AOX1: variants seen among roughly 807,000 people sequenced by gnomAD.
AOX1 encodes the protein aldehyde oxidase.
Under a neutral mutation model 169.5 loss-of-function variants are expected in AOX1, and 153 were observed. The ratio of observed to expected loss-of-function variants is 0.90; its 90% CI spans 0.79 to 1.03. AOX1 has a LOEUF of 1.03. Among genes scored for constraint, AOX1 ranks in the 50% least tolerant of loss-of-function variants. AOX1 has a pLI of 0.00. For synonymous variants in AOX1, 562 were observed against 581.9 expected, an observed-to-expected ratio of 0.97 and a Z score of 0.49; for missense variants, 1,656 against 1,663.9, an observed-to-expected ratio of 1.00 and a Z score of 0.08.
Position 200,660,019 on chromosome 2 carries a change from C to T in AOX1, c.3325C>T (p.Arg1109Cys), listed in dbSNP as rs750075479. 6.2e-6 allele frequency: 10 copies of T among 1,613,548 alleles called. No individual in the cohort carries two copies. The highest frequency in any genetic ancestry group is 2.7e-5 in the African/African-American group (2 of 74,878). ...GGATGCCTGTCAAACTCTTCTAAAA[C>T]GCCTCGAACCCATCATCAGCAAGAA... ...VKDACQTLLK[R>C]LEPIISKNPK... The change falls in exon 29 of 35, where the codon CGC becomes TGC. Residue 1109 changes from arginine to cysteine, a missense_variant. Transcript: ENST00000374700.
At chr2:200,618,291 A>C (rs2034809850) in intron 16 of AOX1, among the ~76,000 whole-genome samples, 1 of 152,228 alleles carries the variant, frequency 6.6e-6, no homozygotes, top group Non-Finnish European at 1.5e-5. Flanking sequence ...TATTATACTA[A>C]CTACAAAACT....
chr2:200,636,349 G>A (rs1357186448), intron 21 of AOX1, among the ~76,000 whole-genome samples: 7 of 151,834 alleles, frequency 4.6e-5, no homozygotes, highest in Non-Finnish European at 1.0e-4. Flanking sequence ...GGCTGGTCTC[G>A]AACTCCTGAC....
chr2:200,641,260 A>G (rs192942709), intron 24 of AOX1, 76 bp downstream of exon 24: 16 of 989,576 alleles, frequency 1.6e-5, no homozygotes, highest in Admixed American at 1.3e-4. Context: ...AAAATGCCCA[A>G]TAGTTAAGTA....
intron 26 of AOX1, among the ~76,000 whole-genome samples, chr2:200,656,400 T>C (rs2035685448): frequency 6.6e-6 from 1 of 152,214 alleles, no homozygotes; most frequent in Non-Finnish European, 1.5e-5. Flanking sequence ...TGGATCCTTG[T>C]GGGGAGCTAT....
chr2:200,597,561 T>C, intron 4 of AOX1, 56 bp downstream of exon 4: 1 of 1,325,238 alleles, frequency 7.5e-7, no homozygotes, highest in African/African-American at 1.4e-5. Flanking sequence ...CTCATGACAT[T>C]GAGTCCCTGA....
At chr2:200,652,798 C>G (rs75265533) in intron 26 of AOX1, among the ~76,000 whole-genome samples, 3,852 of 152,268 alleles carry the variant, frequency 0.025, 81 homozygotes, top group South Asian at 0.046. Flanking sequence ...GGTGCAGTGG[C>G]TCACGCCTGT....
At chr2:200,632,621 G>C (rs571727039) in intron 20 of AOX1, among the ~76,000 whole-genome samples, 9 of 130,804 alleles carry the variant, frequency 6.9e-5, no homozygotes, top group Admixed American at 8.1e-5. Flanking sequence ...GATATTTTAA[G>C]ATTTCTTCAT....
chr2:200,603,307 G>C lies in AOX1; in HGVS notation c.539G>C (p.Cys180Ser), dbSNP rs1559233621. 1 of 1,614,028 alleles carries C rather than the reference G, an allele frequency of 6.2e-7. No individual in the cohort carries two copies. The highest frequency in any genetic ancestry group is 1.7e-5 in the Admixed American group (1 of 60,004). ...CAAAGTAAAGAAAATGGGGTTTGCT[G>C]TTTGGATCAAGGAATCAATGGATTG... ...CCQSKENGVC[C>S]LDQGINGLPE... The change falls in exon 7 of 35, where the codon TGT becomes TCT. Residue 180 changes from cysteine to serine, a missense_variant. Transcript: ENST00000374700.
At chr2:200,612,563 G>C (rs2034660882) in intron 13 of AOX1, 46 bp from the exon 14 acceptor site, 1 of 1,591,842 alleles carries the variant, frequency 6.3e-7, no homozygotes, top group Admixed American at 1.7e-5. Context: ...CAGTGCATAG[G>C]TGATGCTCAG....
chr2:200,659,980 A>G lies in AOX1; in HGVS notation c.3301-15A>G. 1.9e-6 allele frequency: 3 copies of G among 1,601,690 alleles called. No homozygotes were observed. The highest frequency in any genetic ancestry group is 8.5e-7 in the Non-Finnish European group (1 of 1,171,028). On this transcript the variant is annotated splice_polypyrimidine_tract_variant and intron_variant, in intron 28 of 34. Coordinates refer to ENST00000374700, the MANE Select transcript of AOX1 (RefSeq NM_001159.4). The stretch of plus-strand genomic sequence containing the variant: ...GAAATTAGGAGCATAATTTTAATTT[A>G]AAAATAATCTCTAGGATGCCTGTCA...
intron 4 of AOX1, among the ~76,000 whole-genome samples, chr2:200,599,172 TA>T (rs1294509914): frequency 1.3e-5 from 2 of 152,228 alleles, no homozygotes; most frequent in African/African-American, 2.4e-5. Context: ...ATTTTTTATT[TA>T]TTTTTTTTCC....
Position 200,613,841 on chromosome 2 carries a change from C to G in AOX1, c.1486C>G (p.Leu496Val). 1 of 1,612,628 alleles carries G rather than the reference C, an allele frequency of 6.2e-7. No homozygotes were observed. The highest frequency in any genetic ancestry group is 8.5e-7 in the Non-Finnish European group (1 of 1,179,908). ...ACAGATGCTGGATATAGCCTGCAGG[C>G]TTATTCTGAATGAAGTCTCCCTTTT... ...NEQMLDIACR[L>V]ILNEVSLLGS... is the part of the protein sequence containing the mutation. Residue 496 changes from leucine to valine, a missense_variant, in exon 15 of 35, where the codon CTT becomes GTT. Transcript: ENST00000374700.
intron 8 of AOX1, 28 bp downstream of exon 8, chr2:200,604,125 TAGA>T (rs768272109): frequency 1.3e-6 from 2 of 1,494,860 alleles, no homozygotes; most frequent in Non-Finnish European, 1.9e-6. Context: ...GAGCTCATCC[TAGA>T]AGAATTCATG....
intron 13 of AOX1, among the ~76,000 whole-genome samples, chr2:200,612,115 C>A (rs1308456807): frequency 6.6e-6 from 1 of 152,098 alleles, no homozygotes; most frequent in African/African-American, 2.4e-5. Context: ...GAAGAGTATG[C>A]CTCTACCTAT....
chr2:200,650,933 T>C (rs2105757857), intron 25 of AOX1, 41 bp from the exon 26 acceptor site: 5 of 1,588,336 alleles, frequency 3.1e-6, no homozygotes, highest in Non-Finnish European at 4.3e-6. Flanking sequence ...CTATGTCTGC[T>C]GGGTTTCCCC....
chr2:200,594,307 T>G (rs1414947151), intron 2 of AOX1, among the ~76,000 whole-genome samples: 2 of 152,152 alleles, frequency 1.3e-5, no homozygotes, highest in Non-Finnish European at 2.9e-5. Context: ...GGAAGCATGG[T>G]CTTAATGAAA....
At chr2:200,646,410 G>A (rs2035453964) in intron 25 of AOX1, among the ~76,000 whole-genome samples, 2 of 152,114 alleles carry the variant, frequency 1.3e-5, no homozygotes, top group South Asian at 4.1e-4. Flanking sequence ...TTATTCCACT[G>A]TGGTCTGAGA....
chr2:200,620,960 T>C lies in AOX1; in HGVS notation c.1874+141T>C, dbSNP rs1389322771. ...GACCAGAGGTGAAACAGGATCGAAA[T>C]GTAGGATTTACTACAACTTCGTTGT... On this transcript the variant is annotated intron_variant, in intron 17 of 34. Transcript: ENST00000374700. The C allele has an allele frequency of 5.4e-6, 7 of 1,308,372 alleles. No homozygotes were observed. The Admixed American group carries it at 7.2e-5, about 14-fold the overall frequency. The allele number at this position is 1,308,372 out of a possible 1,614,324, so 81.0% of individuals were successfully genotyped here.
chr2:200,638,762 A>T lies in AOX1; in HGVS notation c.2568+460A>T, dbSNP rs559822998. Among the ~76,000 whole-genome samples the T allele has an allele frequency of 2.0e-5, 3 of 152,342 alleles. No homozygotes were observed. In the East Asian group the frequency reaches 5.8e-4, roughly 29 times the overall value. The stretch of plus-strand genomic sequence containing the variant: ...GAGGTTCCAGAAATTCATAGAAAAA[A>T]ATTTGTAGTAGAAAATAGTGATTCT... On this transcript the variant is annotated intron_variant, in intron 23 of 34. Coordinates refer to ENST00000374700, the MANE Select transcript of AOX1 (RefSeq NM_001159.4).
Sources: gnomAD v4.1 joint callset for allele counts (sites outside exome capture counted in the v4.1 genomes callset) on GRCh38, gnomAD v4.1.1 for gene constraint, MANE v1.5 for transcripts, NCBI Gene and HGNC (gene_info 2026-07-23, HGNC 2026-07-21) for gene names.